The following HCN1 variants were observed in gnomAD, a reference collection of about 807,000 sequenced individuals.
HCN1 encodes the protein hyperpolarization activated cyclic nucleotide gated potassium channel 1, also known as potassium/sodium hyperpolarization-activated cyclic nucleotide-gated channel 1.
Under a neutral mutation model 78.9 loss-of-function variants are expected in HCN1, and 13 were observed. That is an observed-to-expected ratio of 0.16 (90% CI 0.11 to 0.26). HCN1 has a LOEUF of 0.26. Ranked by LOEUF, HCN1 falls within the 10% of genes least tolerant of loss-of-function variation. The pLI, the probability that HCN1 is intolerant of heterozygous loss-of-function variation, is 1.00. For synonymous variants in HCN1, 552 were observed against 455.5 expected (o/e 1.21, Z -2.70); for missense variants, 810 against 1,154.3 (o/e 0.70, Z 4.32).
intron 3 of HCN1, among the ~76,000 whole-genome samples, chr5:45,457,195 C>T (rs1035565126): frequency 6.6e-6 from 1 of 151,974 alleles, no homozygotes; most frequent in Non-Finnish European, 1.5e-5. Context: ...AAGTCATTCC[C>T]TAGGTTACAT....
chr5:45,678,309 G>T (rs772620844), intron 1 of HCN1, among the ~76,000 whole-genome samples: 1 of 151,970 alleles, frequency 6.6e-6, no homozygotes, highest in Admixed American at 6.6e-5. Context: ...ATCTGAAACC[G>T]TATGCATTGT....
chr5:45,437,134 A>T (rs1740573569), intron 3 of HCN1, among the ~76,000 whole-genome samples: 1 of 152,190 alleles, frequency 6.6e-6, no homozygotes. Flanking sequence ...AGCAGTTGGG[A>T]ATTACATCAG....
chr5:45,532,019 G>A (rs1233959229), intron 2 of HCN1, among the ~76,000 whole-genome samples: 2 of 152,126 alleles, frequency 1.3e-5, no homozygotes, highest in African/African-American at 4.8e-5. Context: ...CAGCCTGGGC[G>A]ACAGAGCAAG....
rs111883968 is a variant in HCN1 at position 45,359,069 on chromosome 5, G to C, written c.1231-5823C>G. Among the ~76,000 whole-genome samples the C allele has an allele frequency of 2.6e-5, 4 of 152,058 alleles. 1 individual carries two copies. The highest frequency in any genetic ancestry group is 9.6e-5 in the African/African-American group (4 of 41,518). On this transcript the variant is annotated intron_variant, in intron 4 of 7. Transcript: ENST00000303230. Reference sequence around the variant, plus strand: ...AGCATCAATGATTGGGCATTTCTTTGAGTTTTCATATTTTGTATGACTCCT... The same window carrying C: ...AGCATCAATGATTGGGCATTTCTTTCAGTTTTCATATTTTGTATGACTCCT...
At chr5:45,320,606 C>T (rs752847785) in intron 5 of HCN1, among the ~76,000 whole-genome samples, 1 of 151,762 alleles carries the variant, frequency 6.6e-6, no homozygotes, top group African/African-American at 2.4e-5. Flanking sequence ...CCCAGGGCAG[C>T]CTGGCTTGCT....
Position 45,262,451 on chromosome 5 carries a change from G to C in HCN1, c.2143C>G (p.Arg715Gly), listed in dbSNP as rs1486444621. The change falls in exon 8 of 8, where the codon CGA (arginine) becomes GGA (glycine). Residue 715 changes from arginine to glycine, a missense_variant. By Grantham distance (125) the Arg-to-Gly change is moderately radical. Around this residue, in one of 6 missense-constraint regions of HCN1, gnomAD observed 398 missense variants for 381.3 expected, o/e 1.04. Coordinates refer to ENST00000303230, the MANE Select transcript of HCN1 (RefSeq NM_021072.4). ...SPPVQSPLAA[R>G]TFHYASPTAS... ...GTGGGGGAGGCATAGTGGAAAGTTC[G>C]AGCGGCCAGAGGGCTCTGTACAGGA... 3.7e-6 allele frequency: 6 copies of C among 1,612,248 alleles called. No homozygotes were observed. The highest frequency in any genetic ancestry group is 1.7e-5 in the Admixed American group (1 of 59,964).
intron 5 of HCN1, among the ~76,000 whole-genome samples, chr5:45,317,205 G>A (rs148415520): frequency 0.32 from 49,375 of 151,982 alleles, 10,507 homozygotes; most frequent in Non-Finnish European, 0.45. Context: ...CATGATACTG[G>A]CACCAAAACA....
intron 2 of HCN1, among the ~76,000 whole-genome samples, chr5:45,507,735 T>C (rs1399845622): frequency 6.6e-6 from 1 of 152,136 alleles, no homozygotes; most frequent in African/African-American, 2.4e-5. Context: ...TCTTTGTTAA[T>C]GAAAGATTAG....
intron 2 of HCN1, among the ~76,000 whole-genome samples, chr5:45,573,447 G>A (rs569713478): frequency 6.6e-6 from 1 of 150,480 alleles, no homozygotes; most frequent in South Asian, 2.1e-4. Flanking sequence ...TTATTTTCCT[G>A]AGGAGGGTTT....
intron 5 of HCN1, among the ~76,000 whole-genome samples, chr5:45,321,943 T>C (rs1022627584): frequency 1.3e-5 from 2 of 151,912 alleles, no homozygotes; most frequent in African/African-American, 4.8e-5. Flanking sequence ...TTCATTTATA[T>C]GTCAGGTAAA....
chr5:45,370,693 T>G (rs570819749), intron 4 of HCN1, among the ~76,000 whole-genome samples: 1 of 152,172 alleles, frequency 6.6e-6, no homozygotes, highest in East Asian at 1.9e-4. Flanking sequence ...CAAACTATAA[T>G]GCCATAAGGC....
intron 2 of HCN1, among the ~76,000 whole-genome samples, chr5:45,595,835 CTTTT>C (rs111620999): frequency 6.2e-5 from 9 of 145,498 alleles, no homozygotes; most frequent in Non-Finnish European, 9.1e-5. Flanking sequence ...CAACATATGA[CTTTT>C]TTTTTTTACT....
chr5:45,653,697 G>A (rs983484458), intron 1 of HCN1, among the ~76,000 whole-genome samples: 3 of 151,820 alleles, frequency 2.0e-5, no homozygotes, highest in Non-Finnish European at 4.4e-5. Context: ...AAATAAATAC[G>A]ACCATAGGTG....
At chr5:45,414,935 C>T (rs747069617) in intron 3 of HCN1, among the ~76,000 whole-genome samples, 4 of 151,974 alleles carry the variant, frequency 2.6e-5, no homozygotes, top group Admixed American at 6.6e-5. Flanking sequence ...CCTTGTGACC[C>T]TTAATAATTC....
intron 2 of HCN1, among the ~76,000 whole-genome samples, chr5:45,599,853 A>G (rs1187038188): frequency 2.0e-5 from 3 of 151,774 alleles, no homozygotes; most frequent in Non-Finnish European, 2.9e-5. Context: ...TTTTTATCCT[A>G]TGCTATTTCA....
intron 3 of HCN1, among the ~76,000 whole-genome samples, chr5:45,424,675 A>ATT (rs1561149601): frequency 1.3e-5 from 2 of 152,054 alleles, no homozygotes; most frequent in Non-Finnish European, 2.9e-5. Context: ...GCACTTTCCT[A>ATT]TTATATATAT....
chr5:45,490,490 T>G (rs1025659506), intron 2 of HCN1, among the ~76,000 whole-genome samples: 7 of 152,148 alleles, frequency 4.6e-5, no homozygotes, highest in African/African-American at 1.7e-4. Flanking sequence ...TTTCTGAGCA[T>G]TCTTACCAAA....
At chr5:45,297,071 G>C (rs1473165838) in intron 6 of HCN1, among the ~76,000 whole-genome samples, 2 of 151,990 alleles carry the variant, frequency 1.3e-5, no homozygotes, top group African/African-American at 4.8e-5. Flanking sequence ...TCAGAGCTGA[G>C]AGCCCCAAAC....
intron 2 of HCN1, chr5:45,644,763 T>C (rs1745512405): frequency 5.7e-6 from 1 of 175,036 alleles, no homozygotes; most frequent in Non-Finnish European, 1.2e-5. Flanking sequence ...ACTTCAATAT[T>C]AGAGGATACA....
Sources: gnomAD v4.1 joint callset for allele counts (sites outside exome capture counted in the v4.1 genomes callset) on GRCh38, gnomAD v4.1.1 for gene constraint, gnomAD v4.1.1 regional missense constraint, MANE v1.5 for transcripts, NCBI Gene and HGNC (gene_info 2026-07-23, HGNC 2026-07-21) for gene names.